The following C3orf49 variants were observed in gnomAD, a reference collection of about 807,000 sequenced individuals.
C3orf49 encodes the protein chromosome 3 open reading frame 49.
Under a neutral mutation model 13.3 loss-of-function variants are expected in C3orf49, and 27 were observed. That is an observed-to-expected ratio of 2.02 (90% CI 1.49 to 2.79). The LOEUF is 2.79. C3orf49 is among the 30% of genes most tolerant of loss of function. The pLI, the probability that C3orf49 is intolerant of heterozygous loss-of-function variation, is 0.00. For missense variants in C3orf49, 242 were observed against 134.2 expected (o/e 1.80, Z -3.97); for synonymous variants, 87 against 47.6 (o/e 1.83, Z -3.40).
At chr3:63,786,478 G>T in the C3orf49 span, among the ~76,000 whole-genome samples, 1 of 152,132 alleles carries the variant, frequency 6.6e-6, no homozygotes, top group East Asian at 1.9e-4. Context: ...TGTTTAATGA[G>T]AACTCAGGGA....
chr3:63,780,558 G>A, the C3orf49 span, among the ~76,000 whole-genome samples: 228 of 152,286 alleles, frequency 1.5e-3, 1 homozygote, highest in African/African-American at 4.9e-3. Context: ...CTGAGGAATC[G>A]CCACACTGAC....
At chr3:63,839,460 T>C (rs1327138812) in intron 5 of C3orf49, among the ~76,000 whole-genome samples, 1 of 152,128 alleles carries the variant, frequency 6.6e-6, no homozygotes, top group Non-Finnish European at 1.5e-5. Context: ...CAATCTGCCT[T>C]CTCCATGTTT....
chr3:63,787,389 T>C, the C3orf49 span, among the ~76,000 whole-genome samples: 1 of 152,158 alleles, frequency 6.6e-6, no homozygotes, highest in African/African-American at 2.4e-5. Context: ...TATATAAATA[T>C]ATATGATTTT....
chr3:63,820,880 C>G (rs981028739), intron 1 of C3orf49, among the ~76,000 whole-genome samples: 1 of 152,058 alleles, frequency 6.6e-6, no homozygotes, highest in Non-Finnish European at 1.5e-5. Flanking sequence ...TTTTGCAGAA[C>G]CCTGCCCTTG....
chr3:63,830,671 T>G (rs762625068), intron 3 of C3orf49, among the ~76,000 whole-genome samples: 5 of 152,286 alleles, frequency 3.3e-5, no homozygotes, highest in Non-Finnish European at 7.4e-5. Flanking sequence ...CTTTTTATGT[T>G]TGAAGACGTG....
intron 2 of C3orf49, chr3:63,827,056 G>A (rs1190316474): frequency 6.6e-6 from 1 of 152,058 alleles, no homozygotes; most frequent in Non-Finnish European, 1.5e-5. Context: ...TACCATACTA[G>A]TCTTAAATTT....
chr3:63,835,298 T>C (rs915397807), intron 5 of C3orf49: 19 of 1,613,176 alleles, frequency 1.2e-5, no homozygotes, highest in Non-Finnish European at 1.6e-5. Context: ...AGACAGATCA[T>C]GAAGGCTAAA....
intron 5 of C3orf49, among the ~76,000 whole-genome samples, chr3:63,840,796 T>C (rs1350001285): frequency 6.6e-6 from 1 of 152,196 alleles, no homozygotes; most frequent in East Asian, 1.9e-4. Context: ...CTGATAAAAC[T>C]GTTGGCAAGG....
At chr3:63,788,420 C>T in the C3orf49 span, among the ~76,000 whole-genome samples, 4 of 152,010 alleles carry the variant, frequency 2.6e-5, no homozygotes, top group African/African-American at 9.7e-5. Flanking sequence ...GTTTTAAAAA[C>T]ATTTTGAGAG....
At chr3:63,825,933 T>C (rs1701460250) in intron 2 of C3orf49, among the ~76,000 whole-genome samples, 1 of 152,144 alleles carries the variant, frequency 6.6e-6, no homozygotes, top group Admixed American at 6.5e-5. Flanking sequence ...GACAACTAAA[T>C]TGAGATCTGA....
chr3:63,797,228 T>G, the C3orf49 span, among the ~76,000 whole-genome samples: 1 of 152,106 alleles, frequency 6.6e-6, no homozygotes, highest in Non-Finnish European at 1.5e-5. Context: ...TTTCTCTCTC[T>G]CTCTTTGGTT....
chr3:63,824,068 T>C (rs893475193), intron 2 of C3orf49, among the ~76,000 whole-genome samples: 1 of 152,150 alleles, frequency 6.6e-6, no homozygotes, highest in Non-Finnish European at 1.5e-5. Flanking sequence ...CCCAAAGTGC[T>C]GGGATTACAG....
chr3:63,812,347 G>C, the C3orf49 span, among the ~76,000 whole-genome samples: 1 of 152,074 alleles, frequency 6.6e-6, no homozygotes, highest in Non-Finnish European at 1.5e-5. Flanking sequence ...AATTTGTGTT[G>C]GACCACATCC....
At chr3:63,810,005 CG>C in the C3orf49 span, among the ~76,000 whole-genome samples, 12,591 of 151,630 alleles carry the variant, frequency 0.083, 1,252 homozygotes, top group African/African-American at 0.24. Flanking sequence ...AAAAATTAGC[CG>C]GGGCATGGTG....
chr3:63,809,870 G>A, the C3orf49 span, among the ~76,000 whole-genome samples: 3 of 152,262 alleles, frequency 2.0e-5, no homozygotes, highest in African/African-American at 7.2e-5. Flanking sequence ...ATGGCAGGCC[G>A]GGTGCAGTGG....
chr3:63,839,690 T>C lies in C3orf49; in HGVS notation c.850-5333T>C, dbSNP rs377307863. On this transcript the variant is annotated intron_variant, in intron 5 of 6. Transcript: ENST00000295896. Reference sequence around the variant, plus strand: ...TGGGACCCAGAGTTGCACCATTTAATGAAACTCTTCACTAGCAGATTAATT... The same window carrying C: ...TGGGACCCAGAGTTGCACCATTTAACGAAACTCTTCACTAGCAGATTAATT... The C allele has an allele frequency of 5.3e-5, 85 of 1,612,362 alleles. No homozygotes were observed. Among genetic ancestry groups the C allele is most frequent in the Non-Finnish European group, 6.9e-5 (82 of 1,179,944 alleles).
At chr3:63,789,663 T>A in the C3orf49 span, among the ~76,000 whole-genome samples, 1 of 151,514 alleles carries the variant, frequency 6.6e-6, no homozygotes, top group Non-Finnish European at 1.5e-5. Context: ...ATACAAAAAT[T>A]AACCGGGTAT....
At chr3:63,836,017 A>T (rs1701626339) in intron 5 of C3orf49, among the ~76,000 whole-genome samples, 1 of 151,992 alleles carries the variant, frequency 6.6e-6, no homozygotes, top group Non-Finnish European at 1.5e-5. Flanking sequence ...GGGCATAACT[A>T]GTTTATTCTT....
At chr3:63,816,384 A>G (rs1011671165), upstream of C3orf49, among the ~76,000 whole-genome samples, 1 of 152,064 alleles carries the variant, frequency 6.6e-6, no homozygotes, top group Non-Finnish European at 1.5e-5. Context: ...TGAGCTCAGG[A>G]GTTCCAGACC....
Sources: gnomAD v4.1 joint callset for allele counts (sites outside exome capture counted in the v4.1 genomes callset) on GRCh38, gnomAD v4.1.1 for gene constraint, MANE v1.5 for transcripts, NCBI Gene and HGNC (gene_info 2026-07-23, HGNC 2026-07-21) for gene names.